NPAS2: variants seen among roughly 807,000 people sequenced by gnomAD.
NPAS2 encodes neuronal PAS domain protein 2, also known as neuronal PAS domain-containing protein 2.
A neutral mutation model predicts 107.5 loss-of-function variants in NPAS2; 23 were observed. That is an observed-to-expected ratio of 0.21 (90% CI 0.15 to 0.30). The LOEUF (loss-of-function observed/expected upper bound fraction) is 0.30, where lower values mean the gene tolerates loss of function less well. NPAS2 is among the 10% of genes least tolerant of loss of function. The probability of loss-of-function intolerance (pLI) is 1.00; values close to 1 mark genes in which losing one functional copy is unlikely to be tolerated. For missense variants in NPAS2, 756 were observed against 1,043.3 expected (o/e 0.72, Z 3.79); for synonymous variants, 403 against 417.5 (o/e 0.97, Z 0.42).
At chr2:100,877,312 A>G (rs1680032667) in intron 1 of NPAS2, among the ~76,000 whole-genome samples, 1 of 152,090 alleles carries the variant, frequency 6.6e-6, no homozygotes, top group African/African-American at 2.4e-5. Context: ...AAAATACAAA[A>G]AAATTAGCCA....
upstream of NPAS2, chr2:100,820,002 G>GA (rs1675970083): frequency 1.1e-4 from 17 of 150,678 alleles, no homozygotes; most frequent in Admixed American, 1.1e-3. The surrounding 1 kb of genome is among the most constrained non-coding windows in gnomAD (Gnocchi z 5.6). Flanking sequence ...TCGGGGCCAG[G>GA]AGAGACCCCG....
intron 1 of NPAS2, among the ~76,000 whole-genome samples, chr2:100,822,999 A>C (rs574075470): frequency 6.6e-6 from 1 of 152,288 alleles, no homozygotes; most frequent in South Asian, 2.1e-4. Context: ...ATTTGTAGCA[A>C]AGATGGGAGG....
chr2:100,860,736 A>G (rs1479815764), intron 1 of NPAS2, among the ~76,000 whole-genome samples: 1 of 152,138 alleles, frequency 6.6e-6, no homozygotes, highest in Non-Finnish European at 1.5e-5. Flanking sequence ...AGATTGTCCC[A>G]GATTTGGCTG....
intron 1 of NPAS2, among the ~76,000 whole-genome samples, chr2:100,883,005 A>G (rs1045242400): frequency 2.6e-5 from 4 of 152,178 alleles, no homozygotes; most frequent in African/African-American, 7.2e-5. Context: ...TAAGAAAAGG[A>G]AACTGACCTA....
At position 100,988,063 on chromosome 2, in the gene NPAS2, T is replaced by C. The variant is rs765325887; in HGVS notation, c.1630-16T>C. ...CCATGACCCCAACTTCACAGGCATT[T>C]CTATTCTGCTCCCAGATGTTCCTGC... On this transcript the variant is annotated splice_polypyrimidine_tract_variant and intron_variant, in intron 16 of 20. Coordinates refer to ENST00000335681, the MANE Select transcript of NPAS2 (RefSeq NM_002518.4). 1 of 1,612,660 alleles carries C rather than the reference T, an allele frequency of 6.2e-7. No homozygotes were observed. Among genetic ancestry groups the C allele is most frequent in the Admixed American group, 1.7e-5 (1 of 59,988 alleles).
intron 8 of NPAS2, 51 bp downstream of exon 8, chr2:100,964,227 C>G (rs758072087): frequency 8.5e-7 from 1 of 1,171,412 alleles, no homozygotes; most frequent in African/African-American, 1.5e-5. Flanking sequence ...GATTGACTCA[C>G]ATTTTGTTAT....
At chr2:100,966,016 G>A (rs2105162739) in intron 10 of NPAS2, among the ~76,000 whole-genome samples, 1 of 152,148 alleles carries the variant, frequency 6.6e-6, no homozygotes, top group East Asian at 1.9e-4. Flanking sequence ...TAGGCGCCCT[G>A]TTTAAACCTA....
chr2:100,908,605 G>C (rs1055550443), intron 2 of NPAS2, among the ~76,000 whole-genome samples: 1 of 152,132 alleles, frequency 6.6e-6, no homozygotes, highest in Non-Finnish European at 1.5e-5. Context: ...TCCAAAGAAA[G>C]CAATTATCTA....
At chr2:100,969,251 T>TGTGCCATGGTGCATG (rs1200075757) in intron 11 of NPAS2, among the ~76,000 whole-genome samples, 1 of 152,086 alleles carries the variant, frequency 6.6e-6, no homozygotes, top group Non-Finnish European at 1.5e-5. Context: ...TAGGTATATA[T>TGTGCCATGGTGCATG]GTGCCATGGT....
chr2:100,914,163 G>A (rs1682725289), intron 2 of NPAS2, among the ~76,000 whole-genome samples: 2 of 152,214 alleles, frequency 1.3e-5, no homozygotes. Flanking sequence ...CAAGGGGTAT[G>A]GGTGTGGGTG....
chr2:100,889,603 G>T (rs2104686112), intron 1 of NPAS2, among the ~76,000 whole-genome samples: 1 of 152,238 alleles, frequency 6.6e-6, no homozygotes, highest in East Asian at 1.9e-4. Flanking sequence ...GGCTGGTTGG[G>T]GTTTTGGGAG....
At chr2:100,924,556 G>A (rs148601773) in intron 2 of NPAS2, among the ~76,000 whole-genome samples, 2 of 152,342 alleles carry the variant, frequency 1.3e-5, no homozygotes, top group African/African-American at 4.8e-5. Flanking sequence ...GTGTTCGTCT[G>A]CTCTTAGCAG....
chr2:100,873,654 C>G (rs1017582844), intron 1 of NPAS2, among the ~76,000 whole-genome samples: 4 of 152,068 alleles, frequency 2.6e-5, no homozygotes, highest in Admixed American at 2.0e-4. Flanking sequence ...TTCTTATGCT[C>G]TCTATAAAAA....
In NPAS2 at chr2:100,995,977, TC is replaced by T; in HGVS notation, c.*397del. On this transcript the variant is annotated 3_prime_UTR_variant, in exon 21 of 21. Transcript: ENST00000335681. ...TGGCCTTCACGCTCTTGATCGTCTT[TC>T]CTTTGTATTGGAGAAGGACTGGGTC... 1 of 1,299,214 alleles carries T rather than the reference TC, an allele frequency of 7.7e-7. No individual in the cohort carries two copies. Among genetic ancestry groups the T allele is most frequent in the Non-Finnish European group, 1.0e-6 (1 of 1,000,736 alleles). The allele number at this position is 1,299,214 out of a possible 1,614,324, so 80.5% of individuals were successfully genotyped here.
intron 10 of NPAS2, among the ~76,000 whole-genome samples, chr2:100,967,739 C>T (rs1175175934): frequency 1.3e-5 from 2 of 152,174 alleles, no homozygotes; most frequent in Non-Finnish European, 2.9e-5. Flanking sequence ...GCAGACATCA[C>T]TATGGGGGGG....
chr2:100,843,473 C>G (rs1208216749), intron 1 of NPAS2, among the ~76,000 whole-genome samples: 2 of 152,098 alleles, frequency 1.3e-5, no homozygotes, highest in Non-Finnish European at 2.9e-5. Flanking sequence ...GAATCAGAAC[C>G]TCCATTATGG....
chr2:100,920,110 G>C (rs1213530323), intron 2 of NPAS2, among the ~76,000 whole-genome samples: 1 of 152,170 alleles, frequency 6.6e-6, no homozygotes, highest in Non-Finnish European at 1.5e-5. Flanking sequence ...CTTGTCCAGA[G>C]AACCCTCAAG....
At chr2:100,867,468 T>C (rs1333411409) in intron 1 of NPAS2, among the ~76,000 whole-genome samples, 1 of 152,220 alleles carries the variant, frequency 6.6e-6, no homozygotes, top group Non-Finnish European at 1.5e-5. Flanking sequence ...CTAAGTTATG[T>C]TTATTGCCTT....
intron 1 of NPAS2, among the ~76,000 whole-genome samples, chr2:100,904,337 G>C (rs1468123935): frequency 6.6e-6 from 1 of 152,224 alleles, no homozygotes; most frequent in African/African-American, 2.4e-5. Context: ...AGTGTGGTCT[G>C]AAGACCCTTG....
Sources: gnomAD v4.1 joint callset for allele counts (sites outside exome capture counted in the v4.1 genomes callset) on GRCh38, gnomAD v4.1.1 for gene constraint, Gnocchi (gnomAD v3.1) non-coding constraint, MANE v1.5 for transcripts, NCBI Gene and HGNC (gene_info 2026-07-23, HGNC 2026-07-21) for gene names.